TSHR: variants seen among roughly 807,000 people sequenced by gnomAD.
TSHR encodes the protein thyrotropin receptor.
TSHR carries 51 observed loss-of-function variants against 64.1 expected under a neutral mutation model. The observed-to-expected ratio is 0.80, with a 90% CI of 0.64 to 1.01. The LOEUF is 1.01. Among genes scored for constraint, TSHR ranks in the 50% least tolerant of loss-of-function variants. TSHR has a pLI of 0.00. For missense variants in TSHR, 877 were observed against 942.8 expected, an observed-to-expected ratio of 0.93 and a Z score of 0.91; for synonymous variants, 361 against 361.9, an observed-to-expected ratio of 1.00 and a Z score of 0.03.
At chr14:81,009,336 A>C (rs1327127246) in intron 1 of TSHR, among the ~76,000 whole-genome samples, 3 of 152,226 alleles carry the variant, frequency 2.0e-5, no homozygotes, top group Non-Finnish European at 4.4e-5. Flanking sequence ...GCTACACTGC[A>C]TATTAATTGC....
At chr14:81,108,883 C>T (rs985533996) in intron 8 of TSHR, 2 of 1,439,052 alleles carry the variant, frequency 1.4e-6, no homozygotes, top group East Asian at 2.5e-5. Context: ...TTCGACTCGT[C>T]TGTGGAAGAA....
intron 1 of TSHR, among the ~76,000 whole-genome samples, chr14:81,046,419 C>T (rs1177532926): frequency 6.6e-6 from 1 of 151,378 alleles, no homozygotes; most frequent in African/African-American, 2.4e-5. Flanking sequence ...AGATTAACAT[C>T]AGTGAATACT....
intron 6 of TSHR, 104 bp downstream of exon 6, chr14:81,092,712 C>T (rs1399629548): frequency 9.9e-7 from 1 of 1,005,884 alleles, no homozygotes. Flanking sequence ...ATCATATATA[C>T]TCTATAGAGT....
intron 3 of TSHR, among the ~76,000 whole-genome samples, chr14:81,074,491 G>T (rs1887347679): frequency 6.6e-6 from 1 of 152,096 alleles, no homozygotes; most frequent in South Asian, 2.1e-4. Flanking sequence ...TGGGTATAAG[G>T]CATGAAACTG....
chr14:81,003,160 T>C (rs1428999842), intron 1 of TSHR, among the ~76,000 whole-genome samples: 11 of 152,108 alleles, frequency 7.2e-5, no homozygotes, highest in Non-Finnish European at 1.6e-4. Context: ...ACATATAATA[T>C]TTCTGTGACA....
chr14:81,041,232 C>A (rs1275640872), intron 1 of TSHR, among the ~76,000 whole-genome samples: 2 of 152,118 alleles, frequency 1.3e-5, no homozygotes, highest in Admixed American at 6.5e-5. Context: ...ATGTTCATTG[C>A]AGCACTATTC....
rs1032324966 is a variant in TSHR, at chr14:80,975,684, T to C, written c.170+19834T>C. Among the ~76,000 whole-genome samples the C allele has an allele frequency of 5.9e-5, 9 of 152,212 alleles. No homozygotes were observed. In the East Asian group the frequency reaches 7.7e-4, roughly 13 times the overall value. On this transcript the variant is annotated intron_variant, in intron 1 of 9. Transcript: ENST00000298171. Reference sequence around the variant, plus strand: ...GCCAAAGTCATATTAACAACCTTTGTTGCAAAATCCAAAGGACATTTTAGA... The same window carrying C: ...GCCAAAGTCATATTAACAACCTTTGCTGCAAAATCCAAAGGACATTTTAGA...
chr14:80,969,558 A>G (rs1227643922), intron 1 of TSHR, among the ~76,000 whole-genome samples: 3 of 152,206 alleles, frequency 2.0e-5, no homozygotes, highest in African/African-American at 4.8e-5. Flanking sequence ...GCAATGGGCT[A>G]TACTGCTGAA....
intron 1 of TSHR, among the ~76,000 whole-genome samples, chr14:81,047,701 G>A (rs796563724): frequency 2.9e-5 from 4 of 136,240 alleles, no homozygotes; most frequent in Non-Finnish European, 3.1e-5. Context: ...TTGCTCTGTC[G>A]CCCAGGCTGG....
At chr14:81,017,898 C>A (rs917901045) in intron 1 of TSHR, among the ~76,000 whole-genome samples, 1 of 148,558 alleles carries the variant, frequency 6.7e-6, no homozygotes, top group African/African-American at 2.5e-5. Context: ...GACATGATCT[C>A]GGCTCATTGC....
At chr14:81,096,103 A>G (rs1889168071) in intron 6 of TSHR, among the ~76,000 whole-genome samples, 1 of 152,032 alleles carries the variant, frequency 6.6e-6, no homozygotes, top group Admixed American at 6.6e-5. Context: ...AGATTCATCT[A>G]TGAGGTTTAA....
At chr14:81,034,488 C>T (rs1403593971) in intron 1 of TSHR, among the ~76,000 whole-genome samples, 2 of 152,196 alleles carry the variant, frequency 1.3e-5, no homozygotes, top group African/African-American at 4.8e-5. Flanking sequence ...CTGAAGGGCC[C>T]TGCTGTTTCT....
chr14:81,084,184 C>A (rs778025328), intron 3 of TSHR, among the ~76,000 whole-genome samples: 5 of 152,172 alleles, frequency 3.3e-5, no homozygotes, highest in Admixed American at 1.3e-4. Context: ...CTAATCAATA[C>A]GCTTTAAGAG....
At chr14:80,998,763 A>G (rs1359395601) in intron 1 of TSHR, among the ~76,000 whole-genome samples, 1 of 152,064 alleles carries the variant, frequency 6.6e-6, no homozygotes, top group Non-Finnish European at 1.5e-5. Context: ...CAAAGGACAT[A>G]TTTTATAAGG....
At chr14:80,988,619 A>G (rs573494072) in intron 1 of TSHR, among the ~76,000 whole-genome samples, 1 of 152,256 alleles carries the variant, frequency 6.6e-6, no homozygotes, top group East Asian at 1.9e-4. Flanking sequence ...CCTTGTTAAC[A>G]GTTTCTTAAG....
intron 3 of TSHR, among the ~76,000 whole-genome samples, chr14:81,077,893 C>T (rs532809027): frequency 1.4e-4 from 21 of 152,152 alleles, no homozygotes; most frequent in African/African-American, 5.1e-4. Flanking sequence ...GCATCCTTAA[C>T]TTATCACAGT....
intron 1 of TSHR, among the ~76,000 whole-genome samples, chr14:81,029,434 A>G (rs1425021303): frequency 6.6e-6 from 1 of 152,102 alleles, no homozygotes; most frequent in Non-Finnish European, 1.5e-5. Flanking sequence ...AAAGTGGGAG[A>G]CATGGAAGGG....
intron 3 of TSHR, chr14:81,087,317 A>T: frequency 6.5e-6 from 1 of 153,322 alleles, no homozygotes; most frequent in African/African-American, 2.4e-5. Context: ...GCAGTTACTT[A>T]TTTCTCTAAT....
At chr14:81,108,769 G>C in intron 8 of TSHR, 1 of 1,602,594 alleles carries the variant, frequency 6.2e-7, no homozygotes, top group Non-Finnish European at 8.5e-7. Flanking sequence ...TGAAATGCAA[G>C]ATCCACAACT....
Sources: gnomAD v4.1 joint callset for allele counts (sites outside exome capture counted in the v4.1 genomes callset) on GRCh38, gnomAD v4.1.1 for gene constraint, MANE v1.5 for transcripts, NCBI Gene and HGNC (gene_info 2026-07-23, HGNC 2026-07-21) for gene names.